Variants in EYA4 observed in about 807,000 individuals in gnomAD.
EYA4 encodes the protein EYA transcriptional coactivator and phosphatase 4, also known as protein phosphatase EYA4.
A neutral mutation model predicts 87.9 loss-of-function variants in EYA4; 31 were observed. The ratio of observed to expected loss-of-function variants is 0.35; its 90% CI spans 0.27 to 0.48. The LOEUF is 0.48. EYA4 is among the 20% of genes least tolerant of loss of function. EYA4 has a pLI of 0.99. For missense variants in EYA4, 678 were observed against 761.4 expected (o/e 0.89, Z 1.29); for synonymous variants, 263 against 270.6 (o/e 0.97, Z 0.28).
intron 3 of EYA4, among the ~76,000 whole-genome samples, chr6:133,411,681 A>G (rs1789253157): frequency 6.6e-6 from 1 of 152,204 alleles, no homozygotes; most frequent in South Asian, 2.1e-4. Context: ...TAGAATTGAA[A>G]GTTATTTGCA....
chr6:133,381,736 T>C (rs573383182), intron 2 of EYA4, among the ~76,000 whole-genome samples: 22 of 152,150 alleles, frequency 1.4e-4, no homozygotes, highest in Non-Finnish European at 2.2e-4. Flanking sequence ...AATCTATGGA[T>C]TTCACCATCT....
intron 13 of EYA4, among the ~76,000 whole-genome samples, chr6:133,491,844 C>T (rs562065980): frequency 1.0e-3 from 149 of 147,216 alleles, no homozygotes; most frequent in Non-Finnish European, 1.9e-3. Flanking sequence ...TCCAGCTACT[C>T]GGGAGGCTGA....
At chr6:133,519,245 G>A (rs1167197134) in intron 17 of EYA4, among the ~76,000 whole-genome samples, 6 of 150,054 alleles carry the variant, frequency 4.0e-5, no homozygotes, top group Non-Finnish European at 6.0e-5. Flanking sequence ...TTGATAGACC[G>A]CTAGCAAGAC....
chr6:133,505,976 T>C, intron 13 of EYA4, 130 bp from the exon 14 acceptor site: 1 of 681,712 alleles, frequency 1.5e-6, no homozygotes, highest in Non-Finnish European at 2.7e-6. Flanking sequence ...AACTGAGAAA[T>C]CTTTTGAATC....
At chr6:133,266,785 T>TCC (rs1776256148) in intron 1 of EYA4, among the ~76,000 whole-genome samples, 1 of 152,120 alleles carries the variant, frequency 6.6e-6, no homozygotes, top group African/African-American at 2.4e-5. Flanking sequence ...GAAAAATCTT[T>TCC]TAGGAAAGAT....
intron 6 of EYA4, 40 bp downstream of exon 6, chr6:133,456,688 G>A: frequency 8.2e-7 from 1 of 1,218,794 alleles, no homozygotes; most frequent in South Asian, 1.2e-5. Flanking sequence ...TACACATGGG[G>A]GTGCATCCAC....
chr6:133,267,726 T>G (rs1280012717), intron 1 of EYA4, among the ~76,000 whole-genome samples: 1 of 152,160 alleles, frequency 6.6e-6, no homozygotes, highest in Non-Finnish European at 1.5e-5. Context: ...TAAATTATAT[T>G]ATACAACTGA....
At position 133,514,189 on chromosome 6, in the gene EYA4, C is replaced by A. The variant is rs149891458; in HGVS notation, c.1502-1132C>A. On this transcript the variant is annotated intron_variant, in intron 16 of 19. Coordinates refer to ENST00000355286, the MANE Select transcript of EYA4 (RefSeq NM_004100.5). ...AAAAGAAATTGACCCCTGCAAGCTG[C>A]CGACTTGCATGGGGTGCTGGGGAGA... 5.9e-5 allele frequency among the ~76,000 whole-genome samples: 9 copies of A among 152,306 alleles called. No homozygotes were observed. The East Asian group carries it at 1.7e-3, about 29-fold the overall frequency.
At chr6:133,466,513 C>G (rs1241624435) in intron 10 of EYA4, among the ~76,000 whole-genome samples, 1 of 152,068 alleles carries the variant, frequency 6.6e-6, no homozygotes. Context: ...ATAGAGCTTA[C>G]AGCCTACTGG....
At chr6:133,393,225 A>G (rs1024764275) in intron 3 of EYA4, among the ~76,000 whole-genome samples, 8 of 152,102 alleles carry the variant, frequency 5.3e-5, no homozygotes, top group African/African-American at 1.9e-4. Context: ...CCAACTCTAG[A>G]TGGTAATAGA....
chr6:133,373,743 G>C (rs1785456362), intron 2 of EYA4, among the ~76,000 whole-genome samples: 1 of 152,076 alleles, frequency 6.6e-6, no homozygotes, highest in Admixed American at 6.6e-5. Context: ...GATATATGAG[G>C]AAGTATCTCT....
At chr6:133,489,331 G>A (rs577405869) in intron 13 of EYA4, among the ~76,000 whole-genome samples, 29 of 152,184 alleles carry the variant, frequency 1.9e-4, no homozygotes, top group Non-Finnish European at 5.9e-5. Context: ...GGGCTAGAAG[G>A]TTTATTGAAA....
chr6:133,477,813 GACAC>G (rs10538879), intron 11 of EYA4, among the ~76,000 whole-genome samples: 18 of 149,728 alleles, frequency 1.2e-4, no homozygotes, highest in Non-Finnish European at 2.5e-4. Flanking sequence ...GTTTAAGTCA[GACAC>G]ACACACACAC....
At chr6:133,466,765 A>G (rs1338996870) in intron 10 of EYA4, among the ~76,000 whole-genome samples, 2 of 150,534 alleles carry the variant, frequency 1.3e-5, no homozygotes, top group African/African-American at 4.9e-5. Context: ...TTGGTGTGTC[A>G]CTGAACTTAA....
At chr6:133,467,113 A>C (rs957403588) in intron 10 of EYA4, among the ~76,000 whole-genome samples, 7 of 152,178 alleles carry the variant, frequency 4.6e-5, no homozygotes, top group Admixed American at 1.3e-4. Flanking sequence ...AGAAAGTGAG[A>C]TCTTTGAGAT....
intron 3 of EYA4, among the ~76,000 whole-genome samples, chr6:133,401,781 ACT>A (rs544296994): frequency 9.3e-4 from 141 of 152,220 alleles, no homozygotes; most frequent in African/African-American, 3.2e-3. Context: ...TGTACAAATA[ACT>A]CTAGAGAAAT....
intron 11 of EYA4, among the ~76,000 whole-genome samples, chr6:133,476,112 T>G (rs957311785): frequency 6.6e-6 from 1 of 152,124 alleles, no homozygotes; most frequent in Non-Finnish European, 1.5e-5. Flanking sequence ...GAAGATTGCT[T>G]GAGTCCAGGA....
At chr6:133,272,491 T>G (rs371405585) in intron 1 of EYA4, among the ~76,000 whole-genome samples, 4 of 152,352 alleles carry the variant, frequency 2.6e-5, no homozygotes, top group Admixed American at 1.3e-4. Flanking sequence ...CAGTTCATGA[T>G]AGCCAGTTAA....
intron 11 of EYA4, among the ~76,000 whole-genome samples, chr6:133,476,470 T>C (rs1795743790): frequency 6.6e-6 from 1 of 152,096 alleles, no homozygotes; most frequent in South Asian, 2.1e-4. Flanking sequence ...AGTTCAACTT[T>C]TTTGCACTCC....
Sources: gnomAD v4.1 joint callset for allele counts (sites outside exome capture counted in the v4.1 genomes callset) on GRCh38, gnomAD v4.1.1 for gene constraint, MANE v1.5 for transcripts, NCBI Gene and HGNC (gene_info 2026-07-23, HGNC 2026-07-21) for gene names.